The following PAN2 variants were observed in gnomAD, a reference collection of about 807,000 sequenced individuals.
PAN2 encodes PAN2-PAN3 deadenylation complex catalytic subunit PAN2.
A neutral mutation model predicts 133.3 loss-of-function variants in PAN2; 68 were observed. That is an observed-to-expected ratio of 0.51 (90% CI 0.42 to 0.62). The LOEUF (loss-of-function observed/expected upper bound fraction) is 0.62, where lower values mean the gene tolerates loss of function less well. PAN2 is among the 20% of genes least tolerant of loss of function. The pLI is 0.00. For missense variants in PAN2, 1,042 were observed against 1,500.5 expected (o/e 0.69, Z 5.05); for synonymous variants, 462 against 544.6 (o/e 0.85, Z 2.11).
chr12:56,319,558 G>T lies in PAN2; in HGVS notation c.3090+63C>A. 1.3e-6 allele frequency: 2 copies of T among 1,588,970 alleles called. No individual in the cohort carries two copies. The highest frequency in any genetic ancestry group is 1.7e-6 in the Non-Finnish European group (2 of 1,167,054). ...AGTCTTCCCCTATCACTCTTCCCTG[G>T]GTTCTTGAGCACTGTAAGTAAGCAC... On this transcript the variant is annotated intron_variant, in intron 22 of 25. Transcript: ENST00000440411. This position sits in a 1 kb window ranked among gnomAD's most constrained non-coding sequence, Gnocchi z 5.4.
rs770328435 is a variant in PAN2 at position 56,326,825 on chromosome 12, C to A, written c.1054G>T (p.Gly352Cys). Reference sequence around the variant, plus strand: ...GAATCAGTCCAGAGGTGCACACAGCCCTCAGAATCCCCAAAGGCCAGAGCC... The same window carrying A: ...GAATCAGTCCAGAGGTGCACACAGCACTCAGAATCCCCAAAGGCCAGAGCC... ...KQALAFGDSE[G>C]CVHLWTDSPE... Residue 352 changes from glycine (G) to cysteine (C), a missense_variant, in exon 7 of 26, where the codon GGC becomes TGC. Physicochemically the swap from Gly to Cys is radical, Grantham distance 159. This residue lies in a region of PAN2 where 908 missense variants were observed against 1,223.5 expected (regional missense o/e 0.74). Transcript: ENST00000440411. 1 of 1,614,174 alleles carries A rather than the reference C, an allele frequency of 6.2e-7. No homozygotes were observed. The highest frequency in any genetic ancestry group is 8.5e-7 in the Non-Finnish European group (1 of 1,180,020).
At chr12:56,332,024 T>C (rs756673521) in intron 2 of PAN2, among the ~76,000 whole-genome samples, 1 of 152,164 alleles carries the variant, frequency 6.6e-6, no homozygotes, top group African/African-American at 2.4e-5. Flanking sequence ...GACAGCACAG[T>C]ATTTCTTACA....
In PAN2 at chr12:56,324,562, A is replaced by C; in HGVS notation, c.1728+19T>G. On this transcript the variant is annotated intron_variant, in intron 11 of 25. Transcript: ENST00000440411. ...CCACCTTCCTTCCCCTTCCATTTTA[A>C]GTGTCTCCAAGTACTGACCTGGCAA... 1 of 1,612,808 alleles carries C rather than the reference A, an allele frequency of 6.2e-7. No homozygotes were observed. Among genetic ancestry groups the C allele is most frequent in the Non-Finnish European group, 8.5e-7 (1 of 1,179,144 alleles).
chr12:56,331,446 G>A (rs1296223946), intron 2 of PAN2, among the ~76,000 whole-genome samples: 1 of 152,124 alleles, frequency 6.6e-6, no homozygotes, highest in East Asian at 1.9e-4. Flanking sequence ...TCTCCATCCT[G>A]TCCAGCATCC....
At chr12:56,332,421 G>A (rs1380225561) in intron 2 of PAN2, among the ~76,000 whole-genome samples, 1 of 151,978 alleles carries the variant, frequency 6.6e-6, no homozygotes, top group Non-Finnish European at 1.5e-5. Flanking sequence ...GGGCAACATA[G>A]TAAGACTAAA....
chr12:56,322,306 C>T (rs1874645168), intron 19 of PAN2, 117 bp downstream of exon 19: 1 of 1,069,502 alleles, frequency 9.4e-7, no homozygotes, highest in African/African-American at 1.6e-5. Flanking sequence ...GGTTTTTATT[C>T]CTGAGGATTC....
intron 19 of PAN2, 111 bp downstream of exon 19, chr12:56,322,312 G>A (rs2135962788): frequency 1.8e-6 from 2 of 1,096,790 alleles, no homozygotes; most frequent in Non-Finnish European, 2.8e-6. Flanking sequence ...TATTCCTGAG[G>A]ATTCCTTCCT....
In PAN2 at chr12:56,326,396, C is replaced by T. The variant is rs140591449; in HGVS notation, c.1276G>A (p.Val426Met). ...ATGGTGCGCAGAATCTCTGCATCCA[C>T]GGGTGGTGCTCGCCTACAATCCAGC... ...SAPAPRRAPP[V>M]DAEILRTMKK... Residue 426 changes from valine to methionine, a missense_variant, in exon 8 of 26, where the codon GTG becomes ATG. Physicochemically the swap from Val to Met is conservative, Grantham distance 21. This residue lies in a region of PAN2 where 908 missense variants were observed against 1,223.5 expected (regional missense o/e 0.74). Transcript: ENST00000440411. 2.6e-5 allele frequency: 42 copies of T among 1,594,090 alleles called. No individual in the cohort carries two copies. In the African/African-American group the frequency reaches 4.2e-4, roughly 16 times the overall value.
Position 56,319,404 on chromosome 12 carries a change from G to A in PAN2, c.3174C>T (p.Leu1058=). 1 of 1,614,178 alleles carries A rather than the reference G, an allele frequency of 6.2e-7. No individual in the cohort carries two copies. ...AACGAAGCTTTAAGTAGGTAGACTT[G>A]AGAGTTGTTAGGTGCTTGGAGGAAA... is the stretch of plus-strand genomic sequence containing the variant. ...AKISSKHLTT[L]KSTYLKLRFL... Residue 1058 remains leucine (L), a synonymous_variant, in exon 23 of 26, where the codon CTC becomes CTT. Coordinates refer to ENST00000440411, the MANE Select transcript of PAN2 (RefSeq NM_014871.6). This position sits in a 1 kb window ranked among gnomAD's most constrained non-coding sequence, Gnocchi z 5.4.
intron 2 of PAN2, among the ~76,000 whole-genome samples, chr12:56,330,148 C>G (rs1300567779): frequency 6.6e-6 from 1 of 152,018 alleles, no homozygotes; most frequent in African/African-American, 2.4e-5. Context: ...TCTTTGTTCC[C>G]CTTTTTGGTG....
chr12:56,317,885 A>G (rs1390112765), intron 25 of PAN2, among the ~76,000 whole-genome samples: 1 of 152,340 alleles, frequency 6.6e-6, no homozygotes, highest in East Asian at 1.9e-4. Flanking sequence ...TGCAATCAAA[A>G]TCCACCCAAT....
chr12:56,328,891 AC>A (rs1393075792), intron 2 of PAN2, among the ~76,000 whole-genome samples: 2 of 152,328 alleles, frequency 1.3e-5, no homozygotes, highest in East Asian at 1.9e-4. Context: ...CCTCACAATG[AC>A]CCTGCTGAAT....
Position 56,322,127 on chromosome 12 carries a change from T to C in PAN2, c.2739A>G (p.Ala913=). ...VQFDMNWKVP[A]ILYYVKRNLN... is the part of the protein sequence containing the mutation. ...GATTCCGTTTGACATAATAAAGGAT[T>C]GCAGGTACTTTCCAATTCATGTCAA... The change falls in exon 20 of 26, where the codon GCA becomes GCG. Residue 913 remains alanine, a synonymous_variant. Transcript: ENST00000440411. 1.2e-6 allele frequency: 2 copies of C among 1,611,098 alleles called. No homozygotes were observed. Among genetic ancestry groups the C allele is most frequent in the Non-Finnish European group, 1.7e-6 (2 of 1,177,248 alleles).
At position 56,319,051 on chromosome 12, in the gene PAN2, T is replaced by C. The variant is rs750620323; in HGVS notation, c.3364+37A>G. The C allele has an allele frequency of 5.1e-6, 8 of 1,581,966 alleles. No homozygotes were observed. The South Asian group carries it at 8.8e-5, about 17-fold the overall frequency. ...TTTTTTTAAATGGCTGCTTCTGCTA[T>C]TAATGTAGCAGGGGCCTACAAGGCA... On this transcript the variant is annotated intron_variant, in intron 24 of 25. Transcript: ENST00000440411. This position sits in a 1 kb window ranked among gnomAD's most constrained non-coding sequence, Gnocchi z 5.4.
At chr12:56,318,668 A>C (rs1874169833) in intron 24 of PAN2, 1 of 503,182 alleles carries the variant, frequency 2.0e-6, no homozygotes, top group African/African-American at 1.9e-5. Flanking sequence ...CACTTTTCCT[A>C]CTTTTTCTTT....
In PAN2 at chr12:56,317,558, G is replaced by C; in HGVS notation, c.*51C>G. ...ACTTAGGAAGCCATCTCCCAGTTCT[G>C]GGGCTATAGAACAGTAAAGGGAGAG... On this transcript the variant is annotated 3_prime_UTR_variant, in exon 26 of 26. Coordinates refer to ENST00000440411, the MANE Select transcript of PAN2 (RefSeq NM_014871.6). 2 of 1,549,400 alleles carry C rather than the reference G, an allele frequency of 1.3e-6. No homozygotes were observed. The highest frequency in any genetic ancestry group is 1.8e-6 in the Non-Finnish European group (2 of 1,122,192).
In PAN2 at chr12:56,319,571, T is replaced by C. The variant is rs759855095; in HGVS notation, c.3090+50A>G. The C allele has an allele frequency of 3.1e-6, 5 of 1,590,176 alleles. No individual in the cohort carries two copies. The East Asian group carries it at 1.1e-4, about 36-fold the overall frequency. On this transcript the variant is annotated intron_variant, in intron 22 of 25. Coordinates refer to ENST00000440411, the MANE Select transcript of PAN2 (RefSeq NM_014871.6). This position sits in a 1 kb window ranked among gnomAD's most constrained non-coding sequence, Gnocchi z 5.4. ...CACTCTTCCCTGGGTTCTTGAGCACTGTAAGTAAGCACCAGGGTGTGCCTC... is the reference window on the plus strand; with the variant it reads ...CACTCTTCCCTGGGTTCTTGAGCACCGTAAGTAAGCACCAGGGTGTGCCTC...
intron 24 of PAN2, chr12:56,318,680 C>G (rs980124060): frequency 1.2e-5 from 6 of 490,668 alleles, no homozygotes; most frequent in African/African-American, 9.7e-5. Context: ...TTTTTCTTTT[C>G]CCCCCATGCT....
intron 8 of PAN2, 50 bp from the exon 9 acceptor site, chr12:56,325,504 G>A: frequency 6.2e-7 from 1 of 1,605,622 alleles, no homozygotes; most frequent in Non-Finnish European, 8.5e-7. Context: ...GTCATCTTTG[G>A]CTTCACACTC....
Sources: allele counts gnomAD v4.1 joint callset (sites outside exome capture counted in the v4.1 genomes callset), GRCh38; gene constraint gnomAD v4.1.1; regional missense constraint gnomAD v4.1.1; non-coding constraint Gnocchi (gnomAD v3.1); transcripts MANE v1.5; gene names NCBI Gene and HGNC (gene_info 2026-07-23, HGNC 2026-07-21).